The following DOCK5 variants were observed in gnomAD, a reference collection of about 807,000 sequenced individuals.
DOCK5 encodes the protein dedicator of cytokinesis 5.
A neutral mutation model predicts 251.8 loss-of-function variants in DOCK5; 142 were observed. The observed-to-expected ratio is 0.56, with a 90% CI of 0.49 to 0.65. DOCK5 has a LOEUF of 0.65. Among genes scored for constraint, DOCK5 ranks in the 30% least tolerant of loss-of-function variants. The pLI is 0.00. For missense variants in DOCK5, 2,111 were observed against 2,312.3 expected (o/e 0.91, Z 1.79); for synonymous variants, 842 against 835.5 (o/e 1.01, Z -0.13).
chr8:25,259,040 GC>G (rs1385722987), intron 2 of DOCK5, among the ~76,000 whole-genome samples: 1 of 152,158 alleles, frequency 6.6e-6, no homozygotes, highest in Non-Finnish European at 1.5e-5. Context: ...AATTGCTTGA[GC>G]CCGGGGGGGC....
chr8:25,316,885 A>G, intron 13 of DOCK5, 122 bp from the exon 14 acceptor site: 1 of 1,216,462 alleles, frequency 8.2e-7, no homozygotes, highest in Non-Finnish European at 1.1e-6. Flanking sequence ...CTTTTGTCGG[A>G]TGAGTAGTTC....
At chr8:25,295,568 T>C (rs1804598221) in intron 6 of DOCK5, among the ~76,000 whole-genome samples, 1 of 152,120 alleles carries the variant, frequency 6.6e-6, no homozygotes, top group Non-Finnish European at 1.5e-5. Context: ...GGGCATGAGA[T>C]AGCAGCAAGC....
At chr8:25,291,907 T>G in intron 5 of DOCK5, 117 bp from the exon 6 acceptor site, 1 of 1,022,500 alleles carries the variant, frequency 9.8e-7, no homozygotes, top group Non-Finnish European at 1.3e-6. Context: ...CCAAAAGATG[T>G]TCCCTCTCAT....
chr8:25,210,987 C>T lies in DOCK5; in HGVS notation c.43+26036C>T, dbSNP rs1231590944. 2.9e-5 allele frequency among the ~76,000 whole-genome samples: 2 copies of T among 70,028 alleles called. 1 individual carries two copies. Among genetic ancestry groups the T allele is most frequent in the African/African-American group, 6.5e-5 (2 of 30,858 alleles). 45.9% of individuals were successfully genotyped at this position (70,028 alleles called of 152,430 possible). A position where few individuals can be genotyped will look rare whatever the true frequency, so the allele number is the denominator to read the frequency against. ...AACACAATTATCTGTACTCAAATGA[C>T]ATCTAATAATAATGGTTATTGATAA... On this transcript the variant is annotated intron_variant, in intron 1 of 51. Coordinates refer to ENST00000276440, the MANE Select transcript of DOCK5 (RefSeq NM_024940.8).
rs1205298349 is a variant in DOCK5 at position 25,414,924 on chromosome 8, A to ATTTTTTTTTTTTTTTT, written c.*3630_*3631insTTTTTTTTTTTTTTTT. ...CTGGGCCTGTCTTTTTTTTTTTTTA[A>ATTTTTTTTTTTTTTTT]TTTTGAAGCTACCTGAGGTTTAGAA... On this transcript the variant is annotated 3_prime_UTR_variant, in exon 52 of 52. Coordinates refer to ENST00000276440, the MANE Select transcript of DOCK5 (RefSeq NM_024940.8). 24 of 64,162 alleles carry ATTTTTTTTTTTTTTTT rather than the reference A, an allele frequency of 3.7e-4. No individual in the cohort carries two copies. The highest frequency in any genetic ancestry group is 5.2e-4 in the Admixed American group (3 of 5,716). 4.0% of individuals were successfully genotyped at this position (64,162 alleles called of 1,614,324 possible). A position where few individuals can be genotyped will look rare whatever the true frequency, so the allele number is the denominator to read the frequency against.
chr8:25,389,928 G>A (rs1033155688), intron 41 of DOCK5, among the ~76,000 whole-genome samples: 1 of 150,062 alleles, frequency 6.7e-6, no homozygotes, highest in African/African-American at 2.4e-5. Flanking sequence ...CCTATTTCCT[G>A]ATATTGCATT....
At position 25,339,043 on chromosome 8, in the gene DOCK5, T is replaced by C. The variant is rs140087628; in HGVS notation, c.2328-1834T>C. ...GGCCTGCGTGTGGTTACTTTTCCCT[T>C]ATATGTTATTAAAGAAGAACCTGAG... is the stretch of plus-strand genomic sequence containing the variant. On this transcript the variant is annotated intron_variant, in intron 22 of 51. Coordinates refer to ENST00000276440, the MANE Select transcript of DOCK5 (RefSeq NM_024940.8). Among the ~76,000 whole-genome samples the C allele has an allele frequency of 2.3e-3, 344 of 152,236 alleles. 1 individual carries two copies. Among genetic ancestry groups the C allele is most frequent in the African/African-American group, 7.6e-3 (317 of 41,536 alleles).
At chr8:25,338,654 T>C (rs1008580941) in intron 22 of DOCK5, among the ~76,000 whole-genome samples, 1 of 152,136 alleles carries the variant, frequency 6.6e-6, no homozygotes, top group Non-Finnish European at 1.5e-5. Flanking sequence ...CTTTTAAAGT[T>C]GTTTCATTAT....
At chr8:25,260,158 T>C (rs1158694803) in intron 2 of DOCK5, among the ~76,000 whole-genome samples, 1 of 152,160 alleles carries the variant, frequency 6.6e-6, no homozygotes, top group Non-Finnish European at 1.5e-5. Flanking sequence ...TCAGCTTCTA[T>C]TGGAAGGACA....
chr8:25,387,635 A>G (rs1911250), intron 40 of DOCK5, among the ~76,000 whole-genome samples: 49,762 of 152,062 alleles, frequency 0.33, 9,025 homozygotes, highest in South Asian at 0.48. Context: ...TGAACATTCC[A>G]AGTCTTTGAA....
intron 13 of DOCK5, among the ~76,000 whole-genome samples, chr8:25,315,221 C>A (rs1805212288): frequency 6.6e-6 from 1 of 150,524 alleles, no homozygotes; most frequent in South Asian, 2.1e-4. Context: ...CACCCCCTCA[C>A]TGTGAGGATG....
At position 25,412,825 on chromosome 8, in the gene DOCK5, C is replaced by G. The variant is rs956887600; in HGVS notation, c.*1527C>G. On this transcript the variant is annotated 3_prime_UTR_variant, in exon 52 of 52. Coordinates refer to ENST00000276440, the MANE Select transcript of DOCK5 (RefSeq NM_024940.8). ...CTGTGTTTCCTGTTTCACCGCCACC[C>G]TTTCAGGAGAGAACTACACCAGTTC... 1.3e-5 allele frequency: 2 copies of G among 152,178 alleles called. No homozygotes were observed. Among genetic ancestry groups the G allele is most frequent in the Middle Eastern group, 3.4e-3 (1 of 294 alleles). The allele number at this position is 152,178 out of a possible 1,614,324, so 9.4% of individuals were successfully genotyped here. A position where few individuals can be genotyped will look rare whatever the true frequency, so the allele number is the denominator to read the frequency against.
intron 4 of DOCK5, 123 bp from the exon 5 acceptor site, chr8:25,278,446 A>G (rs113187285): frequency 3.5e-6 from 3 of 859,378 alleles, no homozygotes; most frequent in Middle Eastern, 2.2e-4. Flanking sequence ...CCCCTGCACA[A>G]CTCCTGCCCC....
At chr8:25,383,503 T>A (rs941787792) in intron 40 of DOCK5, among the ~76,000 whole-genome samples, 10 of 152,314 alleles carry the variant, frequency 6.6e-5, no homozygotes, top group Non-Finnish European at 1.0e-4. Context: ...GTCCCTACTC[T>A]CATGGATTTT....
intron 26 of DOCK5, among the ~76,000 whole-genome samples, chr8:25,350,723 T>C (rs1477616543): frequency 1.3e-5 from 2 of 152,202 alleles, no homozygotes; most frequent in African/African-American, 4.8e-5. Context: ...ACAGCTACCT[T>C]CTTGCTGTGT....
At chr8:25,191,854 G>C (rs1801589837) in intron 1 of DOCK5, among the ~76,000 whole-genome samples, 1 of 151,660 alleles carries the variant, frequency 6.6e-6, no homozygotes, top group African/African-American at 2.4e-5. Flanking sequence ...ATGTGCCATT[G>C]TGTGCTGCAC....
At chr8:25,241,037 A>G (rs1400799041) in intron 1 of DOCK5, among the ~76,000 whole-genome samples, 2 of 152,106 alleles carry the variant, frequency 1.3e-5, no homozygotes, top group Non-Finnish European at 2.9e-5. Context: ...TTTCTCTCTT[A>G]TAAAGATATA....
intron 2 of DOCK5, among the ~76,000 whole-genome samples, chr8:25,246,704 T>TTG (rs55963570): frequency 0.047 from 4,161 of 89,342 alleles, 130 homozygotes; most frequent in Middle Eastern, 0.071. Flanking sequence ...CCATGTTAGT[T>TTG]TGTGTGTGTG....
chr8:25,411,237 C>G lies in DOCK5; in HGVS notation c.5552C>G (p.Pro1851Arg). Residue 1851 changes from proline to arginine, a missense_variant, in exon 52 of 52, where the codon CCC (proline) becomes CGC (arginine). By Grantham distance (103) the Pro-to-Arg change is moderately radical (BLOSUM62 -2). Around this residue, in one of 3 missense-constraint regions of DOCK5, gnomAD observed 1,717 missense variants for 1,892.4 expected, o/e 0.91. Coordinates refer to ENST00000276440, the MANE Select transcript of DOCK5 (RefSeq NM_024940.8). ...LPVRREAKAP[P>R]PPPPKARKSG... ...GTCCGAAGAGAAGCCAAAGCACCACCCCCTCCACCTCCAAAGGCTCGGAAG... is the reference window on the plus strand; with the variant it reads ...GTCCGAAGAGAAGCCAAAGCACCACGCCCTCCACCTCCAAAGGCTCGGAAG... 6.3e-7 allele frequency: 1 copy of G among 1,592,510 alleles called. No homozygotes were observed. Among genetic ancestry groups the G allele is most frequent in the Non-Finnish European group, 8.5e-7 (1 of 1,171,190 alleles).
Sources: allele counts gnomAD v4.1 joint callset (sites outside exome capture counted in the v4.1 genomes callset), GRCh38; gene constraint gnomAD v4.1.1; regional missense constraint gnomAD v4.1.1; transcripts MANE v1.5; gene names NCBI Gene and HGNC (gene_info 2026-07-23, HGNC 2026-07-21).